The following DSCAM variants were observed in gnomAD, a reference collection of about 807,000 sequenced individuals.
DSCAM encodes the protein cell adhesion molecule DSCAM.
DSCAM carries 47 observed loss-of-function variants against 217.7 expected under a neutral mutation model. The observed-to-expected ratio is 0.22, with a 90% CI of 0.17 to 0.28. The LOEUF (loss-of-function observed/expected upper bound fraction) is 0.28, where lower values mean the gene tolerates loss of function less well. Ranked by LOEUF, DSCAM falls within the 10% of genes least tolerant of loss-of-function variation. The pLI, the probability that DSCAM is intolerant of heterozygous loss-of-function variation, is 1.00. For missense variants in DSCAM, 2,080 were observed against 2,618.3 expected (o/e 0.79, Z 4.49); for synonymous variants, 1,056 against 1,015.3 (o/e 1.04, Z -0.76).
At chr21:40,291,948 G>A (rs2073897457) in intron 10 of DSCAM, among the ~76,000 whole-genome samples, 1 of 152,134 alleles carries the variant, frequency 6.6e-6, no homozygotes, top group Non-Finnish European at 1.5e-5. Flanking sequence ...GTAACAAGGA[G>A]ATGGCCCTGA....
intron 20 of DSCAM, among the ~76,000 whole-genome samples, chr21:40,116,696 TAAA>T (rs566636841): frequency 7.0e-6 from 1 of 142,924 alleles, no homozygotes. Context: ...TTTCCATTAT[TAAA>T]AAAAAAAAAA....
chr21:40,012,554 A>C lies in DSCAM; in HGVS notation c.*480T>G, dbSNP rs1022310833. The C allele has an allele frequency of 2.6e-5, 4 of 152,352 alleles. No individual in the cohort carries two copies. The highest frequency in any genetic ancestry group is 9.7e-5 in the African/African-American group (4 of 41,448). 9.4% of individuals were successfully genotyped at this position (152,352 alleles called of 1,614,324 possible). A position where few individuals can be genotyped will look rare whatever the true frequency, so the allele number is the denominator to read the frequency against. On this transcript the variant is annotated 3_prime_UTR_variant, in exon 33 of 33. Transcript: ENST00000400454. ...GACGGCACTCATCCTAATTAACAAC[A>C]AAAGAAGACCAAATTGAGAACCCGG...
chr21:40,683,440 A>T (rs2090436918), intron 3 of DSCAM, among the ~76,000 whole-genome samples: 1 of 152,220 alleles, frequency 6.6e-6, no homozygotes, highest in Non-Finnish European at 1.5e-5. Context: ...GAGAGAAAGA[A>T]AAAAGAAAGA....
intron 11 of DSCAM, among the ~76,000 whole-genome samples, chr21:40,206,613 C>G (rs2837503): frequency 0.51 from 77,836 of 151,558 alleles, 22,168 homozygotes; most frequent in African/African-American, 0.78. Context: ...AGTTAAAACT[C>G]TGCTTTTATT....
At chr21:40,221,912 T>G (rs1320734532) in intron 11 of DSCAM, among the ~76,000 whole-genome samples, 2 of 152,224 alleles carry the variant, frequency 1.3e-5, no homozygotes, top group African/African-American at 2.4e-5. Flanking sequence ...AAAGCACCTG[T>G]GTGTTGGGTG....
At chr21:40,750,689 C>A (rs191430101) in intron 1 of DSCAM, among the ~76,000 whole-genome samples, 25 of 151,882 alleles carry the variant, frequency 1.6e-4, no homozygotes, top group Admixed American at 1.2e-3. Flanking sequence ...ACCGAACATT[C>A]TTTTTACTGA....
chr21:40,136,405 C>T (rs1225604471), intron 18 of DSCAM, among the ~76,000 whole-genome samples: 1 of 152,102 alleles, frequency 6.6e-6, no homozygotes, highest in African/African-American at 2.4e-5. Flanking sequence ...CGGTGGAGCC[C>T]AGGAACTGGA....
At chr21:40,050,733 G>A (rs1195642687) in intron 30 of DSCAM, among the ~76,000 whole-genome samples, 3 of 152,036 alleles carry the variant, frequency 2.0e-5, no homozygotes, top group South Asian at 4.2e-4. Flanking sequence ...CGACCGCCTC[G>A]GCCTCCCAAA....
intron 3 of DSCAM, among the ~76,000 whole-genome samples, chr21:40,452,183 C>G (rs1404553875): frequency 6.6e-6 from 1 of 150,768 alleles, no homozygotes; most frequent in African/African-American, 2.4e-5. Flanking sequence ...TATATAGATA[C>G]AGAGCACTAT....
intron 3 of DSCAM, among the ~76,000 whole-genome samples, chr21:40,691,451 C>T (rs773639733): frequency 3.3e-5 from 5 of 152,212 alleles, no homozygotes; most frequent in Non-Finnish European, 5.9e-5. Context: ...AGGGCCTCTC[C>T]CCTTTGATTC....
chr21:40,102,305 C>G (rs921882444), intron 20 of DSCAM, among the ~76,000 whole-genome samples: 16 of 152,150 alleles, frequency 1.1e-4, no homozygotes, highest in African/African-American at 3.9e-4. Flanking sequence ...ACATGTTTGC[C>G]TCCCCAAAGC....
At chr21:40,569,729 G>A (rs2076791860) in intron 3 of DSCAM, among the ~76,000 whole-genome samples, 1 of 152,172 alleles carries the variant, frequency 6.6e-6, no homozygotes, top group South Asian at 2.1e-4. Flanking sequence ...AGCTGTATCA[G>A]ACCTTTCAGG....
chr21:40,469,523 G>A (rs991891852), intron 3 of DSCAM, among the ~76,000 whole-genome samples: 3 of 152,154 alleles, frequency 2.0e-5, no homozygotes, highest in Non-Finnish European at 2.9e-5. Flanking sequence ...GCTTTGAAGT[G>A]TGGAAATGTT....
chr21:40,616,880 A>G (rs1190740915), intron 3 of DSCAM, among the ~76,000 whole-genome samples: 3 of 150,750 alleles, frequency 2.0e-5, no homozygotes, highest in South Asian at 2.1e-4. Flanking sequence ...AGCCGGGCGT[A>G]GTGGCGGGCG....
rs148001903 is a variant in DSCAM, at chr21:40,742,175, G to C, written c.44-33404C>G. Among the ~76,000 whole-genome samples the C allele has an allele frequency of 6.9e-3, 1,053 of 152,286 alleles. 14 individuals carry two copies. Among genetic ancestry groups the C allele is most frequent in the African/African-American group, 0.024 (1,004 of 41,550 alleles). On this transcript the variant is annotated intron_variant, in intron 1 of 32. Coordinates refer to ENST00000400454, the MANE Select transcript of DSCAM (RefSeq NM_001389.5). ...ATAATTCCAAGCAGCTTTAGCCTTT[G>C]TCACTGGTACTGCCAAATCCTGAAC...
intron 1 of DSCAM, among the ~76,000 whole-genome samples, chr21:40,719,157 A>G (rs1307334288): frequency 6.6e-6 from 1 of 152,194 alleles, no homozygotes; most frequent in Non-Finnish European, 1.5e-5. Flanking sequence ...AGGTGTGAAC[A>G]GTCACTTCAC....
At chr21:40,648,155 T>C (rs1298373830) in intron 3 of DSCAM, among the ~76,000 whole-genome samples, 1 of 152,084 alleles carries the variant, frequency 6.6e-6, no homozygotes, top group Non-Finnish European at 1.5e-5. Flanking sequence ...CTGTGCTGCA[T>C]GTATATCTGG....
chr21:40,138,445 T>C (rs2090240638), intron 18 of DSCAM, among the ~76,000 whole-genome samples: 1 of 144,510 alleles, frequency 6.9e-6, no homozygotes, highest in African/African-American at 2.6e-5. Flanking sequence ...CGTGGTGTGG[T>C]GTGTGTGTAT....
At chr21:40,028,677 C>T (rs1488627228) in intron 32 of DSCAM, among the ~76,000 whole-genome samples, 1 of 152,198 alleles carries the variant, frequency 6.6e-6, no homozygotes, top group Non-Finnish European at 1.5e-5. Context: ...TTGTGCTTCC[C>T]GAGTGAGGCA....
Sources: gnomAD v4.1 joint callset for allele counts (sites outside exome capture counted in the v4.1 genomes callset) on GRCh38, gnomAD v4.1.1 for gene constraint, MANE v1.5 for transcripts, NCBI Gene and HGNC (gene_info 2026-07-23, HGNC 2026-07-21) for gene names.